Variants in KCNMA1 observed in about 807,000 individuals in gnomAD.
KCNMA1 encodes Calcium-activated potassium channel subunit alpha-1.
A neutral mutation model predicts 140.0 loss-of-function variants in KCNMA1; 29 were observed. That is an observed-to-expected ratio of 0.21 (90% CI 0.15 to 0.28). The LOEUF is 0.28. Ranked by LOEUF, KCNMA1 falls within the 10% of genes least tolerant of loss-of-function variation. The pLI, the probability that KCNMA1 is intolerant of heterozygous loss-of-function variation, is 1.00. For synonymous variants in KCNMA1, 612 were observed against 611.9 expected, an observed-to-expected ratio of 1.00 and a Z score of 0.00; for missense variants, 880 against 1,602.2, an observed-to-expected ratio of 0.55 and a Z score of 7.70.
intron 3 of KCNMA1, among the ~76,000 whole-genome samples, chr10:77,227,910 G>A (rs2052074347): frequency 6.6e-6 from 1 of 152,014 alleles, no homozygotes. Context: ...AGGATTAAAT[G>A]AGGTGATACT....
At chr10:77,635,283 T>C (rs1289032664) in intron 1 of KCNMA1, 1 of 152,154 alleles carries the variant, frequency 6.6e-6, no homozygotes, top group African/African-American at 2.4e-5. Context: ...CCCCCTAACA[T>C]AAAAAGACTT....
Position 77,333,660 on chromosome 10 carries a change from C to A in KCNMA1, c.540+70202G>T, listed in dbSNP as rs1317933896. Among the ~76,000 whole-genome samples the A allele has an allele frequency of 2.6e-5, 4 of 152,208 alleles. No individual in the cohort carries two copies. The East Asian group carries it at 7.7e-4, about 29-fold the overall frequency. ...AACTTCATAGCATTTGCTTGTGGAA[C>A]CCATATTCCTTGAGCAGTATCTCCC... On this transcript the variant is annotated intron_variant, in intron 2 of 27. Coordinates refer to ENST00000286628, the MANE Select transcript of KCNMA1 (RefSeq NM_001161352.2).
At chr10:76,953,366 G>A (rs117142760) in intron 21 of KCNMA1, among the ~76,000 whole-genome samples, 1,803 of 152,252 alleles carry the variant, frequency 0.012, 17 homozygotes, top group Non-Finnish European at 0.016. Context: ...TCATCTGTTG[G>A]ATTTTAATCT....
At position 77,159,371 on chromosome 10, in the gene KCNMA1, T is replaced by C. The variant is rs74767470; in HGVS notation, c.808+24050A>G. ...TTTTTTGTTAAATTACTAGCATCTATCTTAGATAGATGTTCCCTCAGCCTT... is the reference window on the plus strand; with the variant it reads ...TTTTTTGTTAAATTACTAGCATCTACCTTAGATAGATGTTCCCTCAGCCTT... On this transcript the variant is annotated intron_variant, in intron 5 of 27. Transcript: ENST00000286628. Among the ~76,000 whole-genome samples, 273 of 152,242 alleles carry C rather than the reference T, an allele frequency of 1.8e-3. 11 individuals are homozygous for C. In the East Asian group the frequency reaches 0.047, roughly 26 times the overall value.
chr10:77,254,618 T>C (rs924312464), intron 2 of KCNMA1, among the ~76,000 whole-genome samples: 1 of 152,178 alleles, frequency 6.6e-6, no homozygotes. Flanking sequence ...TTAGCCAATA[T>C]AAAATGAACT....
downstream of KCNMA1, among the ~76,000 whole-genome samples, chr10:76,883,120 A>G (rs890961504): frequency 1.3e-5 from 2 of 152,182 alleles, no homozygotes; most frequent in Admixed American, 6.5e-5. Context: ...AGGCATACTC[A>G]GTGTCTCTAC....
intron 1 of KCNMA1, among the ~76,000 whole-genome samples, chr10:77,607,576 A>T (rs1321449937): frequency 6.6e-6 from 1 of 152,184 alleles, no homozygotes; most frequent in Non-Finnish European, 1.5e-5. Flanking sequence ...GATTTGACAC[A>T]GAAGAGAAAG....
chr10:77,465,563 G>C (rs759737614), intron 1 of KCNMA1, among the ~76,000 whole-genome samples: 1 of 152,156 alleles, frequency 6.6e-6, no homozygotes, highest in East Asian at 1.9e-4. Flanking sequence ...TTTCTCATCT[G>C]CAAAATGGGG....
chr10:77,513,849 G>A (rs113305041), intron 1 of KCNMA1, among the ~76,000 whole-genome samples: 4,730 of 152,220 alleles, frequency 0.031, 274 homozygotes, highest in African/African-American at 0.11. Context: ...CCTTGGTGCC[G>A]GCCTGGGAGG....
At chr10:77,263,480 C>T (rs1271779244) in intron 2 of KCNMA1, among the ~76,000 whole-genome samples, 3 of 152,174 alleles carry the variant, frequency 2.0e-5, no homozygotes, top group Non-Finnish European at 2.9e-5. Flanking sequence ...CAGAGGGCAT[C>T]TGGTCCCTAA....
chr10:77,487,579 A>T (rs1254992877), intron 1 of KCNMA1, among the ~76,000 whole-genome samples: 1 of 152,142 alleles, frequency 6.6e-6, no homozygotes, highest in Non-Finnish European at 1.5e-5. Context: ...CAATAAAAGT[A>T]ATTAGATTAA....
chr10:77,223,219 G>A (rs2154192321), intron 3 of KCNMA1, among the ~76,000 whole-genome samples: 1 of 150,150 alleles, frequency 6.7e-6, no homozygotes, highest in Admixed American at 6.7e-5. Flanking sequence ...GACAGAGCAA[G>A]TTTCCATCTC....
intron 23 of KCNMA1, among the ~76,000 whole-genome samples, chr10:76,936,553 C>T (rs1317330191): frequency 6.6e-6 from 1 of 152,184 alleles, no homozygotes; most frequent in Non-Finnish European, 1.5e-5. Context: ...TCTCCCCTAT[C>T]ACCATTTCAG....
At chr10:77,106,804 T>C (rs911395470) in intron 9 of KCNMA1, among the ~76,000 whole-genome samples, 7 of 152,192 alleles carry the variant, frequency 4.6e-5, no homozygotes, top group African/African-American at 1.7e-4. Flanking sequence ...TTGGACTTAC[T>C]TGGCCTTTTG....
intron 5 of KCNMA1, among the ~76,000 whole-genome samples, chr10:77,129,147 T>A (rs879430340): frequency 6.6e-6 from 1 of 152,194 alleles, no homozygotes; most frequent in Non-Finnish European, 1.5e-5. Context: ...CAGAATATAT[T>A]TTCTTTTCTC....
chr10:77,347,283 A>G (rs1423142210), intron 2 of KCNMA1, among the ~76,000 whole-genome samples: 2 of 152,240 alleles, frequency 1.3e-5, no homozygotes, highest in Non-Finnish European at 2.9e-5. Flanking sequence ...CACTGCATGC[A>G]TAAGAAATGG....
intron 3 of KCNMA1, among the ~76,000 whole-genome samples, chr10:77,212,466 C>T (rs1047353296): frequency 6.6e-6 from 1 of 151,948 alleles, no homozygotes; most frequent in Non-Finnish European, 1.5e-5. Flanking sequence ...GGGAAAGGAC[C>T]GTGGGTTGAA....
At chr10:77,183,996 G>A (rs2098824387) in intron 4 of KCNMA1, among the ~76,000 whole-genome samples, 1 of 152,028 alleles carries the variant, frequency 6.6e-6, no homozygotes, top group African/African-American at 2.4e-5. Flanking sequence ...GGAAGATTGG[G>A]TGATTTTACT....
intron 1 of KCNMA1, among the ~76,000 whole-genome samples, chr10:77,614,488 T>C (rs551664392): frequency 6.6e-6 from 1 of 152,322 alleles, no homozygotes; most frequent in East Asian, 1.9e-4. Context: ...TAACCAGTGC[T>C]TTGTGTAAGA....
Sources: allele counts gnomAD v4.1 joint callset (sites outside exome capture counted in the v4.1 genomes callset), GRCh38; gene constraint gnomAD v4.1.1; transcripts MANE v1.5; gene names NCBI Gene and HGNC (gene_info 2026-07-23, HGNC 2026-07-21).